The following SUPT3H variants were observed in gnomAD, a reference collection of about 807,000 sequenced individuals.
The protein encoded by SUPT3H is SPT3 homolog, SAGA and STAGA complex component, also known as transcription initiation protein SPT3 homolog.
SUPT3H carries 44 observed loss-of-function variants against 44.3 expected under a neutral mutation model. The observed-to-expected ratio is 0.99, with a 90% CI of 0.78 to 1.28. The LOEUF (loss-of-function observed/expected upper bound fraction) is 1.28, where lower values mean the gene tolerates loss of function less well. Among genes scored for constraint, SUPT3H ranks in the 50% most tolerant of loss-of-function variants. The pLI is 0.00. For missense variants in SUPT3H, 380 were observed against 387.1 expected, an observed-to-expected ratio of 0.98 and a Z score of 0.15; for synonymous variants, 124 against 125.6, an observed-to-expected ratio of 0.99 and a Z score of 0.09.
intron 6 of SUPT3H, among the ~76,000 whole-genome samples, chr6:44,998,479 G>C (rs932366821): frequency 2.6e-5 from 4 of 151,602 alleles, no homozygotes; most frequent in Non-Finnish European, 5.9e-5. Flanking sequence ...AAGTAATTGC[G>C]GTTTTTGCCT....
intron 2 of SUPT3H, among the ~76,000 whole-genome samples, chr6:45,172,239 A>C (rs1273518798): frequency 6.6e-6 from 1 of 151,168 alleles, no homozygotes; most frequent in African/African-American, 2.4e-5. Flanking sequence ...CGCCCAGCTA[A>C]TTTTTGTACT....
intron 10 of SUPT3H, among the ~76,000 whole-genome samples, chr6:44,831,094 T>C (rs1403626818): frequency 6.6e-6 from 1 of 152,156 alleles, no homozygotes. Flanking sequence ...AATCATAAAA[T>C]TCAATTAACT....
chr6:44,857,405 C>T (rs1444670845), intron 10 of SUPT3H, among the ~76,000 whole-genome samples: 1 of 152,104 alleles, frequency 6.6e-6, no homozygotes, highest in Non-Finnish European at 1.5e-5. Flanking sequence ...GATCTGACTG[C>T]TACAATCGTT....
intron 6 of SUPT3H, among the ~76,000 whole-genome samples, chr6:44,992,315 C>A (rs756518199): frequency 3.9e-5 from 6 of 152,106 alleles, no homozygotes; most frequent in Non-Finnish European, 5.9e-5. Context: ...CACCATGTGG[C>A]AGTCAAATAT....
At chr6:45,310,769 A>C (rs1783823648) in intron 2 of SUPT3H, among the ~76,000 whole-genome samples, 1 of 152,186 alleles carries the variant, frequency 6.6e-6, no homozygotes, top group Non-Finnish European at 1.5e-5. Flanking sequence ...GGACAAAAAA[A>C]TCTGAACAAC....
intron 9 of SUPT3H, among the ~76,000 whole-genome samples, chr6:44,933,329 G>A (rs568236664): frequency 5.3e-5 from 8 of 152,146 alleles, no homozygotes; most frequent in Non-Finnish European, 1.2e-4. Context: ...TTAATTTGCC[G>A]CATCTGTAAA....
intron 9 of SUPT3H, among the ~76,000 whole-genome samples, chr6:44,938,422 C>T (rs1771851502): frequency 6.6e-6 from 1 of 152,096 alleles, no homozygotes; most frequent in South Asian, 2.1e-4. Flanking sequence ...TACTCTCTTC[C>T]ATTGACCTAT....
At chr6:45,275,507 G>A (rs1014830000) in intron 2 of SUPT3H, among the ~76,000 whole-genome samples, 1 of 152,100 alleles carries the variant, frequency 6.6e-6, no homozygotes. Flanking sequence ...TGAAAGACAG[G>A]AAAAGAATGA....
chr6:44,937,086 A>T (rs183576782), intron 9 of SUPT3H, among the ~76,000 whole-genome samples: 10 of 152,368 alleles, frequency 6.6e-5, no homozygotes, highest in African/African-American at 2.2e-4. Context: ...ATAGAAGTGC[A>T]AATAAACATA....
intron 2 of SUPT3H, among the ~76,000 whole-genome samples, chr6:45,255,326 A>T (rs1160443735): frequency 6.6e-6 from 1 of 151,294 alleles, no homozygotes; most frequent in Non-Finnish European, 1.5e-5. Flanking sequence ...TACCATATTT[A>T]TCATTATTTA....
At chr6:45,127,243 G>A (rs1802583928) in intron 2 of SUPT3H, among the ~76,000 whole-genome samples, 1 of 152,170 alleles carries the variant, frequency 6.6e-6, no homozygotes, top group African/African-American at 2.4e-5. Flanking sequence ...GAACCTGGGA[G>A]GTGGAGGTTG....
chr6:44,903,940 T>C (rs1023895643), intron 10 of SUPT3H, among the ~76,000 whole-genome samples: 3 of 152,208 alleles, frequency 2.0e-5, no homozygotes, highest in Middle Eastern at 3.4e-3. Context: ...ACCATGATTA[T>C]CTCAATAGAT....
chr6:45,020,776 T>TA, intron 3 of SUPT3H, 144 bp from the exon 4 acceptor site: 1 of 508,170 alleles, frequency 2.0e-6, no homozygotes, highest in East Asian at 3.2e-5. Flanking sequence ...CTTTTAAGAG[T>TA]AAAATGTCTT....
chr6:45,266,056 T>G (rs996202273), intron 2 of SUPT3H, among the ~76,000 whole-genome samples: 2 of 152,034 alleles, frequency 1.3e-5, no homozygotes, highest in Non-Finnish European at 2.9e-5. Context: ...TTTTTTATTT[T>G]TAATCAAAAA....
At chr6:44,986,863 A>G (rs752036713) in intron 6 of SUPT3H, among the ~76,000 whole-genome samples, 1 of 152,106 alleles carries the variant, frequency 6.6e-6, no homozygotes, top group Non-Finnish European at 1.5e-5. Flanking sequence ...CATATAAAAG[A>G]TCACGGATGA....
At chr6:45,271,495 T>A (rs963571610) in intron 2 of SUPT3H, among the ~76,000 whole-genome samples, 4 of 152,160 alleles carry the variant, frequency 2.6e-5, no homozygotes, top group Non-Finnish European at 5.9e-5. Context: ...CACGTGGTGT[T>A]GAGCCTGTGG....
At chr6:45,369,001 T>C (rs941456582) in intron 1 of SUPT3H, among the ~76,000 whole-genome samples, 7 of 151,892 alleles carry the variant, frequency 4.6e-5, no homozygotes, top group Non-Finnish European at 1.0e-4. Context: ...TCACTGAGAA[T>C]GAAAAAAATT....
intron 2 of SUPT3H, among the ~76,000 whole-genome samples, chr6:45,350,034 T>G (rs932412660): frequency 2.6e-5 from 4 of 152,192 alleles, no homozygotes; most frequent in Non-Finnish European, 5.9e-5. Context: ...TGCCACTATA[T>G]GTAAAGATAC....
intron 2 of SUPT3H, among the ~76,000 whole-genome samples, chr6:45,184,993 T>C (rs1195261909): frequency 3.9e-5 from 6 of 152,166 alleles, no homozygotes; most frequent in African/African-American, 9.7e-5. Flanking sequence ...TCCTTGCAGG[T>C]AGCCTAACTT....
Sources: allele counts gnomAD v4.1 joint callset (sites outside exome capture counted in the v4.1 genomes callset), GRCh38; gene constraint gnomAD v4.1.1; transcripts MANE v1.5; gene names NCBI Gene and HGNC (gene_info 2026-07-23, HGNC 2026-07-21).